FGD6: variants seen among roughly 807,000 people sequenced by gnomAD.
The protein encoded by FGD6 is FYVE, RhoGEF and PH domain-containing protein 6.
In FGD6, 90 loss-of-function variants were observed where a neutral mutation model predicts 149.4. That is an observed-to-expected ratio of 0.60 (90% confidence interval 0.51 to 0.72). The LOEUF (loss-of-function observed/expected upper bound fraction) is 0.72, where lower values mean the gene tolerates loss of function less well. Among genes scored for constraint, FGD6 ranks in the 30% least tolerant of loss-of-function variants. FGD6 has a pLI of 0.00. For missense variants in FGD6, 1,437 were observed against 1,684.8 expected (o/e 0.85, Z 2.57); for synonymous variants, 527 against 584.0 (o/e 0.90, Z 1.41).
At chr12:95,188,640 G>T (rs947610226) in intron 2 of FGD6, among the ~76,000 whole-genome samples, 9 of 152,122 alleles carry the variant, frequency 5.9e-5, no homozygotes. Flanking sequence ...AAGAAAAGGA[G>T]GGAGGATTTT....
At chr12:95,100,076 A>C (rs1056062608) in intron 14 of FGD6, among the ~76,000 whole-genome samples, 1 of 108,606 alleles carries the variant, frequency 9.2e-6, no homozygotes, top group Non-Finnish European at 1.9e-5. Context: ...CCCACCCCAT[A>C]TAAGTTCTTG....
In FGD6 at chr12:95,081,204, G is replaced by T. The variant is rs545505112; in HGVS notation, c.*316C>A. 54 of 175,206 alleles carry T rather than the reference G, an allele frequency of 3.1e-4. 1 individual carries two copies. The South Asian group carries it at 9.9e-3, about 32-fold the overall frequency. The allele number at this position is 175,206 out of a possible 1,614,324, so 10.9% of individuals were successfully genotyped here. A position where few individuals can be genotyped will look rare whatever the true frequency, so the allele number is the denominator to read the frequency against. ...AAGGTAAGAAAACAGTGTGAACTAT[G>T]TCACGAATAGTTAATACAGTATACA... On this transcript the variant is annotated 3_prime_UTR_variant, in exon 21 of 21. Transcript: ENST00000343958.
chr12:95,137,733 T>C (rs117097245), intron 6 of FGD6, 55 bp from the exon 7 acceptor site: 19,732 of 1,306,084 alleles, frequency 0.015, 196 homozygotes, highest in Non-Finnish European at 0.018. Flanking sequence ...GATGAACATA[T>C]GCAATGATAC....
chr12:95,136,389 CAAAA>C (rs1003244339), intron 7 of FGD6, among the ~76,000 whole-genome samples: 4 of 151,730 alleles, frequency 2.6e-5, no homozygotes, highest in African/African-American at 9.7e-5. Flanking sequence ...AACAAACAAA[CAAAA>C]AAAACCCTTT....
At chr12:95,134,455 G>A (rs1422102371) in intron 8 of FGD6, among the ~76,000 whole-genome samples, 2 of 152,134 alleles carry the variant, frequency 1.3e-5, no homozygotes, top group Non-Finnish European at 2.9e-5. Context: ...TGATGCACGG[G>A]TATGGGCTTG....
intron 5 of FGD6, among the ~76,000 whole-genome samples, chr12:95,142,987 T>C (rs1294844397): frequency 1.3e-5 from 2 of 152,208 alleles, no homozygotes; most frequent in Non-Finnish European, 2.9e-5. Context: ...CTAGATTTCA[T>C]TGTCCCCTAA....
intron 8 of FGD6, among the ~76,000 whole-genome samples, chr12:95,122,645 CAAAAAAAAAA>C (rs397687285): frequency 1.6e-5 from 1 of 64,430 alleles, no homozygotes; most frequent in Non-Finnish European, 2.7e-5. Flanking sequence ...GACTCAGTCT[CAAAAAAAAAA>C]AAAAAAAAAA....
At chr12:95,086,844 C>CTTTTT (rs35618842) in intron 18 of FGD6, among the ~76,000 whole-genome samples, 4 of 92,904 alleles carry the variant, frequency 4.3e-5, no homozygotes, top group Non-Finnish European at 8.5e-5. Flanking sequence ...CCACACCGGC[C>CTTTTT]TTTTTTTTTT....
At chr12:95,125,384 G>T (rs1259451722) in intron 8 of FGD6, among the ~76,000 whole-genome samples, 1 of 152,142 alleles carries the variant, frequency 6.6e-6, no homozygotes, top group African/African-American at 2.4e-5. Context: ...TATAATTCCA[G>T]CACTTTAGGA....
At chr12:95,162,100 C>CAAAAAAAAAAAAAAAAAA (rs762218917) in intron 3 of FGD6, among the ~76,000 whole-genome samples, 1 of 61,806 alleles carries the variant, frequency 1.6e-5, no homozygotes. Context: ...CTGAAAAATA[C>CAAAAAAAAAAAAAAAAAA]AAAAAAAAAA....
In FGD6 at chr12:95,125,963, C is replaced by A. The variant is rs189482994; in HGVS notation, c.3082+8776G>T. The stretch of plus-strand genomic sequence containing the variant: ...TCATCCTCAAGTTTCCATACAGTGC[C>A]CACCAGAAGTATGTCCCACAAGCCT... On this transcript the variant is annotated intron_variant, in intron 8 of 20. Transcript: ENST00000343958. 4.2e-6 allele frequency: 6 copies of A among 1,424,052 alleles called. No homozygotes were observed. The Admixed American group carries it at 1.0e-4, about 24-fold the overall frequency. The allele number at this position is 1,424,052 out of a possible 1,614,324, so 88.2% of individuals were successfully genotyped here.
chr12:95,118,561 A>C (rs1384827545), intron 8 of FGD6, among the ~76,000 whole-genome samples: 1 of 152,144 alleles, frequency 6.6e-6, no homozygotes, highest in African/African-American at 2.4e-5. Flanking sequence ...GGAATCTGGG[A>C]CTTTTTGCAT....
chr12:95,142,954 TG>T (rs1306402969), intron 5 of FGD6, among the ~76,000 whole-genome samples: 10 of 152,150 alleles, frequency 6.6e-5, no homozygotes. Context: ...TTGGAAAGGG[TG>T]GGGTAGGAGA....
chr12:95,126,189 C>T (rs1159668588), intron 8 of FGD6: 17 of 1,136,730 alleles, frequency 1.5e-5, no homozygotes, highest in Non-Finnish European at 2.1e-5. Flanking sequence ...CAAAAAAGCA[C>T]CTGTTGCTAA....
intron 8 of FGD6, among the ~76,000 whole-genome samples, chr12:95,124,750 C>T (rs1007248630): frequency 1.3e-5 from 2 of 152,164 alleles, no homozygotes; most frequent in Non-Finnish European, 2.9e-5. Context: ...CTAACCTCTA[C>T]GTGTAAAATA....
At chr12:95,203,421 A>C (rs190715068) in intron 2 of FGD6, among the ~76,000 whole-genome samples, 6 of 152,228 alleles carry the variant, frequency 3.9e-5, no homozygotes, top group Non-Finnish European at 7.4e-5. Flanking sequence ...GTACCACTAA[A>C]ACTGCTCTCA....
intron 3 of FGD6, among the ~76,000 whole-genome samples, chr12:95,162,669 G>GC (rs1486902689): frequency 6.6e-6 from 1 of 152,150 alleles, no homozygotes; most frequent in Admixed American, 6.5e-5. Flanking sequence ...CCATAATCAG[G>GC]CAGAGGTGTG....
chr12:95,142,226 C>T (rs1230743180), intron 5 of FGD6, among the ~76,000 whole-genome samples: 3 of 151,648 alleles, frequency 2.0e-5, no homozygotes, highest in African/African-American at 2.4e-5. Flanking sequence ...ACTGCAACCT[C>T]CGCCTCCCGG....
intron 17 of FGD6, among the ~76,000 whole-genome samples, chr12:95,089,936 AATTATGAAACACGTGACT>A (rs1250773274): frequency 6.6e-6 from 1 of 152,094 alleles, no homozygotes; most frequent in Non-Finnish European, 1.5e-5. Flanking sequence ...GTGCCTTTAG[AATTATGAAACACGTGACT>A]ATACTACCAA....
Sources: allele counts gnomAD v4.1 joint callset (sites outside exome capture counted in the v4.1 genomes callset), GRCh38; gene constraint gnomAD v4.1.1; transcripts MANE v1.5; gene names NCBI Gene and HGNC (gene_info 2026-07-23, HGNC 2026-07-21).